The following AFAP1L2 variants were observed in gnomAD, a reference collection of about 807,000 sequenced individuals.
AFAP1L2 encodes actin filament-associated protein 1-like 2.
AFAP1L2 carries 46 observed loss-of-function variants against 99.3 expected under a neutral mutation model. The ratio of observed to expected loss-of-function variants is 0.46; its 90% confidence interval spans 0.37 to 0.59. The LOEUF is 0.59. Among genes scored for constraint, AFAP1L2 ranks in the 20% least tolerant of loss-of-function variants. AFAP1L2 has a pLI of 0.00. For synonymous variants in AFAP1L2, 397 were observed against 419.1 expected, an observed-to-expected ratio of 0.95 and a Z score of 0.64; for missense variants, 959 against 1,034.9, an observed-to-expected ratio of 0.93 and a Z score of 1.01.
rs547977109 is a variant in AFAP1L2, at chr10:114,357,507, T to C, written c.17-16776A>G. Among the ~76,000 whole-genome samples the C allele has an allele frequency of 9.7e-4, 148 of 152,236 alleles. 1 individual carries two copies. The highest frequency in any genetic ancestry group is 3.4e-3 in the African/African-American group (143 of 41,554). ...TACCCTTGTCTACCCACAACAACAT[T>C]TCCCAGGTAGTGACTGCATAGCCAA... On this transcript the variant is annotated intron_variant, in intron 1 of 18. Transcript: ENST00000304129.
intron 4 of AFAP1L2, among the ~76,000 whole-genome samples, chr10:114,323,675 G>T (rs542473890): frequency 1.3e-5 from 2 of 152,338 alleles, no homozygotes; most frequent in East Asian, 1.9e-4. Context: ...AGCACAGGGA[G>T]AAAGAGGACC....
At chr10:114,331,351 A>G (rs1260952172) in intron 4 of AFAP1L2, among the ~76,000 whole-genome samples, 6 of 152,142 alleles carry the variant, frequency 3.9e-5, no homozygotes, top group Non-Finnish European at 8.8e-5. Flanking sequence ...GTGGCTATTC[A>G]CAAGTGTGAT....
chr10:114,336,424 G>A (rs1202361653), intron 2 of AFAP1L2, among the ~76,000 whole-genome samples: 1 of 152,242 alleles, frequency 6.6e-6, no homozygotes, highest in Non-Finnish European at 1.5e-5. Flanking sequence ...GAAAACAGAT[G>A]TTACCTCTGC....
the AFAP1L2 span, chr10:114,281,090 C>G: frequency 6.6e-6 from 1 of 152,148 alleles, no homozygotes. Flanking sequence ...GGCGTGTACT[C>G]CATTTTACCC....
At chr10:114,375,507 G>A (rs2054671194) in intron 1 of AFAP1L2, among the ~76,000 whole-genome samples, 1 of 152,176 alleles carries the variant, frequency 6.6e-6, no homozygotes, top group Non-Finnish European at 1.5e-5. Flanking sequence ...TTGTGATACA[G>A]ATCTACCAAT....
intron 1 of AFAP1L2, among the ~76,000 whole-genome samples, chr10:114,350,067 G>A (rs1334943523): frequency 1.3e-5 from 2 of 152,078 alleles, no homozygotes; most frequent in South Asian, 2.1e-4. Context: ...GCTCACTGCC[G>A]ACCTCTCCAG....
At chr10:114,289,495 T>TG in the AFAP1L2 span, 1 of 1,613,772 alleles carries the variant, frequency 6.2e-7, no homozygotes, top group Non-Finnish European at 8.5e-7. Context: ...TGGAGGTGAG[T>TG]GGGGGAATCC....
At chr10:114,360,558 T>C (rs61424970) in intron 1 of AFAP1L2, among the ~76,000 whole-genome samples, 12,614 of 148,368 alleles carry the variant, frequency 0.085, 1,462 homozygotes, top group African/African-American at 0.27. Context: ...GATAGATAGA[T>C]AGATAGACGG....
At position 114,313,934 on chromosome 10, in the gene AFAP1L2, C is replaced by T. The variant is rs760751905; in HGVS notation, c.729G>A (p.Pro243=). The T allele has an allele frequency of 7.4e-6, 12 of 1,613,928 alleles. No homozygotes were observed. Among genetic ancestry groups the T allele is most frequent in the Admixed American group, 3.3e-5 (2 of 59,996 alleles). ...RKKEHKLKIT[P]MNADVIVLGL... ...CCAGCACAATCACATCGGCATTCAT[C>T]GGCGTGATCTTCAGCTTGTGCTCCT... The change falls in exon 7 of 19, where the codon CCG becomes CCA. Residue 243 remains proline (P), a synonymous_variant. Transcript: ENST00000304129.
At chr10:114,282,851 AC>A in the AFAP1L2 span, among the ~76,000 whole-genome samples, 2 of 152,202 alleles carry the variant, frequency 1.3e-5, no homozygotes, top group Non-Finnish European at 2.9e-5. Flanking sequence ...AGCTTTGCAG[AC>A]ATCCTCAAAG....
chr10:114,296,156 A>T, intron 18 of AFAP1L2, 88 bp from the exon 19 acceptor site: 1 of 1,570,872 alleles, frequency 6.4e-7, no homozygotes, highest in Non-Finnish European at 8.8e-7. Context: ...ACATAGAAAA[A>T]ATGTGAGAAA....
Position 114,299,488 on chromosome 10 carries a change from G to A in AFAP1L2, c.1958-73C>T, listed in dbSNP as rs2040778563. 1.9e-6 allele frequency: 3 copies of A among 1,577,236 alleles called. No homozygotes were observed. In the Admixed American group the frequency reaches 5.3e-5, roughly 28 times the overall value. On this transcript the variant is annotated intron_variant, in intron 15 of 18. Coordinates refer to ENST00000304129, the MANE Select transcript of AFAP1L2 (RefSeq NM_001001936.3). ...AGGGCTGTCCCCAGTCTACTCCCCA[G>A]GCTCGGATAGAACCTGGGGCTTTGG...
Position 114,300,523 on chromosome 10 carries a change from C to T in AFAP1L2, c.1710G>A (p.Glu570=), listed in dbSNP as rs770341916. 4.3e-6 allele frequency: 7 copies of T among 1,614,028 alleles called. No individual in the cohort carries two copies. Among genetic ancestry groups the T allele is most frequent in the Middle Eastern group, 1.6e-4 (1 of 6,084 alleles). The change falls in exon 14 of 19, where the codon GAG becomes GAA. Residue 570 remains glutamate (E), a synonymous_variant. Coordinates refer to ENST00000304129, the MANE Select transcript of AFAP1L2 (RefSeq NM_001001936.3). ...CTGGGCCTGAGTCTGCCGGGAGGGC[C>T]TCAGTTGCATTGTCCAGGCAGGACA... is the stretch of plus-strand genomic sequence containing the variant. The part of the protein sequence containing the change: ...PTLSCLDNAT[E]ALPADSGPGP...
At chr10:114,358,592 A>G (rs974297706) in intron 1 of AFAP1L2, among the ~76,000 whole-genome samples, 3 of 152,102 alleles carry the variant, frequency 2.0e-5, no homozygotes, top group African/African-American at 4.8e-5. Context: ...TAATAATAAT[A>G]ATGATCATAA....
At chr10:114,357,441 T>C (rs1042882178) in intron 1 of AFAP1L2, among the ~76,000 whole-genome samples, 6 of 152,162 alleles carry the variant, frequency 3.9e-5, no homozygotes, top group African/African-American at 1.4e-4. Flanking sequence ...GGCCCCAAGG[T>C]GTGGTCAGCA....
chr10:114,300,652 G>C lies in AFAP1L2; in HGVS notation c.1581C>G (p.Asp527Glu), dbSNP rs778280707. The C allele has an allele frequency of 6.2e-7, 1 of 1,609,630 alleles. No individual in the cohort carries two copies. Among genetic ancestry groups the C allele is most frequent in the Non-Finnish European group, 8.5e-7 (1 of 1,177,540 alleles). Reference sequence around the variant, plus strand: ...CTCGGTCAGATTCTCTCTCATTTGGGTCATCTGCAACAGGGGTGGCTTCCT... The same window carrying C: ...CTCGGTCAGATTCTCTCTCATTTGGCTCATCTGCAACAGGGGTGGCTTCCT... ...PTEEATPVADDPNERESDRVY... is the reference protein window; with the variant it reads ...PTEEATPVADEPNERESDRVY... Residue 527 changes from aspartate to glutamate, a missense_variant, in exon 14 of 19, where the codon GAC becomes GAG. Asp to Glu is a conservative substitution (Grantham distance 45, BLOSUM62 2). Coordinates refer to ENST00000304129, the MANE Select transcript of AFAP1L2 (RefSeq NM_001001936.3).
At chr10:114,334,155 T>A (rs939345205) in intron 2 of AFAP1L2, among the ~76,000 whole-genome samples, 2 of 152,188 alleles carry the variant, frequency 1.3e-5, no homozygotes, top group African/African-American at 2.4e-5. Flanking sequence ...CCCTATAGAT[T>A]ATACCCTGCA....
Position 114,295,650 on chromosome 10 carries a change from C to CAAAG in AFAP1L2, c.*388_*391dup, listed in dbSNP as rs2040091366. On this transcript the variant is annotated 3_prime_UTR_variant, in exon 19 of 19. Transcript: ENST00000304129. ...CAGGAGTTTAGGTCTTCTCACTCAC[C>CAAAG]AAAGACACGTGACCCATAAGACAGG... is the stretch of plus-strand genomic sequence containing the variant. 3 of 1,008,920 alleles carry CAAAG rather than the reference C, an allele frequency of 3.0e-6. No homozygotes were observed. Among genetic ancestry groups the CAAAG allele is most frequent in the South Asian group, 4.3e-5 (1 of 23,406 alleles). The allele number at this position is 1,008,920 out of a possible 1,614,324, so 62.5% of individuals were successfully genotyped here. A position where few individuals can be genotyped will look rare whatever the true frequency, so the allele number is the denominator to read the frequency against.
intron 1 of AFAP1L2, among the ~76,000 whole-genome samples, chr10:114,367,614 G>C (rs1452664683): frequency 6.6e-6 from 1 of 152,212 alleles, no homozygotes; most frequent in Non-Finnish European, 1.5e-5. Context: ...GGCCCAGCTA[G>C]AATGCAACCC....
Sources: gnomAD v4.1 joint callset for allele counts (sites outside exome capture counted in the v4.1 genomes callset) on GRCh38, gnomAD v4.1.1 for gene constraint, MANE v1.5 for transcripts, NCBI Gene and HGNC (gene_info 2026-07-23, HGNC 2026-07-21) for gene names.